The following PRKCA variants were observed in gnomAD, a reference collection of about 807,000 sequenced individuals.
PRKCA encodes the protein protein kinase C alpha.
In PRKCA, 27 loss-of-function variants were observed where a neutral mutation model predicts 87.0. The ratio of observed to expected loss-of-function variants is 0.31; its 90% CI spans 0.23 to 0.43. The LOEUF (loss-of-function observed/expected upper bound fraction) is 0.43, where lower values mean the gene tolerates loss of function less well. PRKCA is among the 20% of genes least tolerant of loss of function. The probability of loss-of-function intolerance (pLI) is 1.00; values close to 1 mark genes in which losing one functional copy is unlikely to be tolerated. For missense variants in PRKCA, 518 were observed against 852.3 expected (o/e 0.61, Z 4.88); for synonymous variants, 329 against 311.1 (o/e 1.06, Z -0.61).
At chr17:66,755,276 G>A (rs542747971) in intron 13 of PRKCA, among the ~76,000 whole-genome samples, 13 of 152,308 alleles carry the variant, frequency 8.5e-5, no homozygotes, top group Admixed American at 7.2e-4. Context: ...GGAGAAGCGC[G>A]GCATGGGGTG....
chr17:66,750,325 G>A (rs1430554732), intron 13 of PRKCA, among the ~76,000 whole-genome samples: 1 of 152,166 alleles, frequency 6.6e-6, no homozygotes, highest in Non-Finnish European at 1.5e-5. Flanking sequence ...TTCCCTCTAT[G>A]GAGGGTCATG....
chr17:66,378,575 G>A (rs72846689), intron 2 of PRKCA, among the ~76,000 whole-genome samples: 1 of 152,074 alleles, frequency 6.6e-6, no homozygotes, highest in Non-Finnish European at 1.5e-5. Flanking sequence ...CTGTCTCTTT[G>A]AATTTGCCTA....
chr17:66,320,589 G>C (rs964733041), intron 2 of PRKCA, among the ~76,000 whole-genome samples: 11 of 152,082 alleles, frequency 7.2e-5, no homozygotes, highest in African/African-American at 2.7e-4. Context: ...TCGTATTAAA[G>C]AATATTAAAA....
chr17:66,633,402 G>A (rs887770773), intron 3 of PRKCA, among the ~76,000 whole-genome samples: 3 of 152,050 alleles, frequency 2.0e-5, no homozygotes, highest in African/African-American at 4.8e-5. Context: ...AGTGTTTTGG[G>A]TGTTTCTCAT....
intron 2 of PRKCA, among the ~76,000 whole-genome samples, chr17:66,456,355 A>C (rs1291131802): frequency 2.0e-5 from 3 of 152,174 alleles, no homozygotes; most frequent in Admixed American, 2.0e-4. Flanking sequence ...AATACCAGGT[A>C]TATACTGCTG....
At position 66,724,262 on chromosome 17, in the gene PRKCA, C is replaced by A. The variant is rs191491087; in HGVS notation, c.919-8426C>A. On this transcript the variant is annotated intron_variant, in intron 8 of 16. Coordinates refer to ENST00000413366, the MANE Select transcript of PRKCA (RefSeq NM_002737.3). ...AGTGAGCCAAGATCGCGCCACTGTA[C>A]TCCAGCCTGGGCGACAGAGCGAGAC... 1.3e-3 allele frequency among the ~76,000 whole-genome samples: 196 copies of A among 151,072 alleles called. 2 individuals carry two copies. Among genetic ancestry groups the A allele is most frequent in the Middle Eastern group, 3.4e-3 (1 of 294 alleles).
intron 3 of PRKCA, among the ~76,000 whole-genome samples, chr17:66,637,149 T>A (rs1971169927): frequency 6.6e-6 from 1 of 152,160 alleles, no homozygotes; most frequent in African/African-American, 2.4e-5. Context: ...TGAGTAAGCC[T>A]TAGGTTTTCC....
At chr17:66,633,361 G>A (rs917993189) in intron 3 of PRKCA, among the ~76,000 whole-genome samples, 1 of 151,994 alleles carries the variant, frequency 6.6e-6, no homozygotes, top group Non-Finnish European at 1.5e-5. Flanking sequence ...ATTTAAGATC[G>A]CAGTAATGTT....
intron 2 of PRKCA, among the ~76,000 whole-genome samples, chr17:66,433,289 C>CGGCCCT (rs1309485592): frequency 2.6e-5 from 4 of 152,154 alleles, no homozygotes; most frequent in African/African-American, 7.2e-5. Flanking sequence ...GCTCTGGCCC[C>CGGCCCT]GGCCCTGGCC....
chr17:66,616,984 C>T (rs572073953), intron 3 of PRKCA, among the ~76,000 whole-genome samples: 3 of 151,958 alleles, frequency 2.0e-5, no homozygotes, highest in East Asian at 1.9e-4. Context: ...TAGGGCTGAA[C>T]AGTTCACATT....
intron 16 of PRKCA, among the ~76,000 whole-genome samples, chr17:66,800,390 G>A (rs1019339907): frequency 6.6e-5 from 10 of 152,278 alleles, no homozygotes; most frequent in South Asian, 6.2e-4. Context: ...CAGCACAGGC[G>A]GAGCACGAGC....
At chr17:66,364,197 A>C (rs1908563457) in intron 2 of PRKCA, 1 of 152,258 alleles carries the variant, frequency 6.6e-6, no homozygotes, top group Admixed American at 6.5e-5. Flanking sequence ...AGGTTGCCTG[A>C]GGGAGGTGTG....
At chr17:66,733,988 A>G (rs115338292) in intron 9 of PRKCA, among the ~76,000 whole-genome samples, 3,350 of 152,294 alleles carry the variant, frequency 0.022, 114 homozygotes, top group African/African-American at 0.076. Context: ...TGAGTTGTCA[A>G]TCAAAGTTAG....
rs574784146 is a variant in PRKCA, at chr17:66,719,702, G to A, written c.919-12986G>A. On this transcript the variant is annotated intron_variant, in intron 8 of 16. Coordinates refer to ENST00000413366, the MANE Select transcript of PRKCA (RefSeq NM_002737.3). Reference sequence around the variant, plus strand: ...GAATCGCTTGAACCCAGGAGGCAGAGGTTGCAGCAAGCCAAGATCACACCG... The same window carrying A: ...GAATCGCTTGAACCCAGGAGGCAGAAGTTGCAGCAAGCCAAGATCACACCG... 1.8e-3 allele frequency among the ~76,000 whole-genome samples: 267 copies of A among 152,338 alleles called. 2 individuals carry two copies. The highest frequency in any genetic ancestry group is 6.0e-3 in the African/African-American group (251 of 41,576).
intron 5 of PRKCA, among the ~76,000 whole-genome samples, chr17:66,654,433 G>A (rs1395024088): frequency 2.6e-5 from 4 of 152,148 alleles, no homozygotes; most frequent in African/African-American, 9.7e-5. Flanking sequence ...AGCAGCAGCA[G>A]CAGCATCATT....
chr17:66,555,689 T>G (rs753453768), intron 3 of PRKCA, among the ~76,000 whole-genome samples: 9 of 152,198 alleles, frequency 5.9e-5, no homozygotes, highest in Non-Finnish European at 7.4e-5. Context: ...TTATTTGAGT[T>G]ACAGGGACAA....
intron 2 of PRKCA, among the ~76,000 whole-genome samples, chr17:66,469,030 GTC>G (rs1915211939): frequency 6.6e-6 from 1 of 152,172 alleles, no homozygotes; most frequent in South Asian, 2.1e-4. Context: ...GGCATTTAAA[GTC>G]TCTGCCGGGC....
chr17:66,385,300 G>A (rs1449677820), intron 2 of PRKCA, among the ~76,000 whole-genome samples: 2 of 152,122 alleles, frequency 1.3e-5, no homozygotes, highest in Admixed American at 1.3e-4. Context: ...TGCTCTGATG[G>A]TTTTGTATGT....
intron 5 of PRKCA, among the ~76,000 whole-genome samples, chr17:66,671,218 A>G (rs1972172821): frequency 6.8e-6 from 1 of 147,126 alleles, no homozygotes; most frequent in South Asian, 2.1e-4. Flanking sequence ...TCAAAAAAAA[A>G]AAAAAAAAAA....
Sources: gnomAD v4.1 joint callset for allele counts (sites outside exome capture counted in the v4.1 genomes callset) on GRCh38, gnomAD v4.1.1 for gene constraint, MANE v1.5 for transcripts, NCBI Gene and HGNC (gene_info 2026-07-23, HGNC 2026-07-21) for gene names.